Variants in MTMR14 observed in about 807,000 individuals in gnomAD.
MTMR14 encodes the protein phosphatidylinositol-3,5-bisphosphate 3-phosphatase MTMR14.
MTMR14 carries 48 observed loss-of-function variants against 86.3 expected under a neutral mutation model. The observed-to-expected ratio is 0.56, with a 90% CI of 0.44 to 0.71. The LOEUF is 0.71. Ranked by LOEUF, MTMR14 falls within the 30% of genes least tolerant of loss-of-function variation. The pLI, the probability that MTMR14 is intolerant of heterozygous loss-of-function variation, is 0.00. For synonymous variants in MTMR14, 366 were observed against 326.1 expected, an observed-to-expected ratio of 1.12 and a Z score of -1.32; for missense variants, 780 against 834.6, an observed-to-expected ratio of 0.93 and a Z score of 0.81.
chr3:9,662,304 C>G lies in MTMR14; in HGVS notation c.346C>G (p.Leu116Val). Residue 116 changes from leucine to valine, a missense_variant, in exon 3 of 19, where the codon CTC becomes GTC. By Grantham distance (32) the Leu-to-Val change is conservative. Transcript: ENST00000296003. ...CGTACAGGTGAGCAAGTTGCAAGACCTCATCCACCGCAGCAAGATGGCCCG... is the reference window on the plus strand; with the variant it reads ...CGTACAGGTGAGCAAGTTGCAAGACGTCATCCACCGCAGCAAGATGGCCCG... ...STVQVSKLQD[L>V]IHRSKMARCR... The G allele has an allele frequency of 6.2e-7, 1 of 1,613,332 alleles. No homozygotes were observed. The highest frequency in any genetic ancestry group is 8.5e-7 in the Non-Finnish European group (1 of 1,179,894).
rs911680570 is a variant in MTMR14 at position 9,670,023 on chromosome 3, A to G, written c.554+531A>G. Among the ~76,000 whole-genome samples the G allele has an allele frequency of 1.4e-4, 21 of 152,240 alleles. 1 individual carries two copies. The highest frequency in any genetic ancestry group is 3.3e-4 in the Admixed American group (5 of 15,286). On this transcript the variant is annotated intron_variant, in intron 5 of 18. Coordinates refer to ENST00000296003, the MANE Select transcript of MTMR14 (RefSeq NM_001077525.3). ...GTACAGAACAGGAGTTTGAGTCCCTATAAAAGGAGGAAATGGGCTGGTTCA... is the reference window on the plus strand; with the variant it reads ...GTACAGAACAGGAGTTTGAGTCCCTGTAAAAGGAGGAAATGGGCTGGTTCA...
chr3:9,673,669 G>T (rs1441112150), intron 7 of MTMR14, among the ~76,000 whole-genome samples: 1 of 152,078 alleles, frequency 6.6e-6, no homozygotes, highest in East Asian at 1.9e-4. Flanking sequence ...TGTGGGAGGG[G>T]TGTCCTCATC....
intron 10 of MTMR14, among the ~76,000 whole-genome samples, chr3:9,684,194 G>A (rs182043314): frequency 3.0e-4 from 46 of 152,294 alleles, no homozygotes; most frequent in African/African-American, 1.0e-3. Context: ...GGGATAGTCA[G>A]TGTCCTGCAA....
At position 9,681,672 on chromosome 3, in the gene MTMR14, CTTGT is replaced by C. The variant is rs575254786; in HGVS notation, c.898-1483_898-1480del. On this transcript the variant is annotated intron_variant, in intron 9 of 18. Transcript: ENST00000296003. Reference sequence around the variant, plus strand: ...TAGGATGAGAGAGTCAGGCACGAGCCTTGTTTGTTTGTTTGTTTGTTTGTTTTTT... The same window carrying C: ...TAGGATGAGAGAGTCAGGCACGAGCCTTGTTTGTTTGTTTGTTTGTTTTTT... 1.2e-3 allele frequency among the ~76,000 whole-genome samples: 182 copies of C among 152,236 alleles called. 1 individual carries two copies. Among genetic ancestry groups the C allele is most frequent in the Non-Finnish European group, 1.9e-3 (131 of 68,002 alleles).
rs757872183 is a variant in MTMR14, at chr3:9,689,082, GGTA to G, written c.1433+1_1433+3del. The G allele has an allele frequency of 6.2e-7, 1 of 1,610,422 alleles. No individual in the cohort carries two copies. Among genetic ancestry groups the G allele is most frequent in the South Asian group, 1.1e-5 (1 of 91,082 alleles). On this transcript the variant is annotated splice_donor_variant and splice_donor_region_variant and intron_variant, in intron 16 of 18. Coordinates refer to ENST00000296003, the MANE Select transcript of MTMR14 (RefSeq NM_001077525.3). LOFTEE classifies it high-confidence loss of function. ...GCAGGAGCGCCAACTCAGGCAGCTT[GGTA>G]AGGGGCCAGACTTGGACCAAGGTCA... is the stretch of plus-strand genomic sequence containing the variant.
intron 17 of MTMR14, among the ~76,000 whole-genome samples, chr3:9,694,305 G>C (rs188604183): frequency 1.3e-5 from 2 of 150,404 alleles, no homozygotes; most frequent in Admixed American, 6.7e-5. Context: ...TGTTTTTAAA[G>C]GGGGAAAAAT....
intron 6 of MTMR14, among the ~76,000 whole-genome samples, chr3:9,672,319 A>G (rs2048609555): frequency 6.6e-6 from 1 of 152,156 alleles, no homozygotes. Flanking sequence ...GCTCACTGCA[A>G]CCATCTGCCT....
intron 17 of MTMR14, among the ~76,000 whole-genome samples, chr3:9,690,600 AC>A (rs2076108769): frequency 6.6e-6 from 1 of 152,198 alleles, no homozygotes; most frequent in African/African-American, 2.4e-5. Context: ...GTGACTGCAC[AC>A]CTGGAAAGGG....
intron 3 of MTMR14, among the ~76,000 whole-genome samples, chr3:9,666,268 G>T (rs2048253750): frequency 6.6e-6 from 1 of 151,798 alleles, no homozygotes; most frequent in African/African-American, 2.4e-5. Context: ...CAACTAGCTG[G>T]GATTATAGGC....
intron 17 of MTMR14, 135 bp downstream of exon 17, chr3:9,690,278 ATGGGT>A: frequency 1.0e-6 from 1 of 973,238 alleles, no homozygotes. Context: ...TATTTGGAGG[ATGGGT>A]TAGTGTTTGG....
At chr3:9,669,341 T>G in intron 4 of MTMR14, 91 bp from the exon 5 acceptor site, 1 of 1,329,812 alleles carries the variant, frequency 7.5e-7, no homozygotes, top group Non-Finnish European at 1.1e-6. Flanking sequence ...AGCCCACCCT[T>G]GGCACTATGG....
chr3:9,662,312 C>T lies in MTMR14; in HGVS notation c.354C>T (p.His118=), dbSNP rs2047987806. ...VQVSKLQDLI[H]RSKMARCRGR... is the part of the protein sequence containing the mutation. The stretch of plus-strand genomic sequence containing the variant: ...TGAGCAAGTTGCAAGACCTCATCCA[C>T]CGCAGCAAGATGGCCCGGTGCAGAG... The change falls in exon 3 of 19, where the codon CAC becomes CAT. Residue 118 remains histidine (H), a synonymous_variant. Transcript: ENST00000296003. 1 of 1,613,590 alleles carries T rather than the reference C, an allele frequency of 6.2e-7. No homozygotes were observed. Among genetic ancestry groups the T allele is most frequent in the Non-Finnish European group, 8.5e-7 (1 of 1,179,972 alleles).
intron 1 of MTMR14, among the ~76,000 whole-genome samples, chr3:9,652,125 C>T (rs1251992801): frequency 6.6e-6 from 1 of 152,130 alleles, no homozygotes; most frequent in Non-Finnish European, 1.5e-5. Context: ...CCACTGCACC[C>T]AGCCTAATTT....
At chr3:9,690,823 C>A (rs2076117467) in intron 17 of MTMR14, among the ~76,000 whole-genome samples, 2 of 152,142 alleles carry the variant, frequency 1.3e-5, no homozygotes, top group South Asian at 4.1e-4. Context: ...GAATGTCTAG[C>A]CTTTCTGGAG....
intron 3 of MTMR14, among the ~76,000 whole-genome samples, chr3:9,664,204 C>T (rs147399628): frequency 9.3e-5 from 14 of 150,874 alleles, no homozygotes; most frequent in African/African-American, 2.7e-4. Flanking sequence ...GACATGCTTG[C>T]GAAAAGCATT....
chr3:9,666,758 TAC>T (rs1190522266), intron 3 of MTMR14, among the ~76,000 whole-genome samples: 2 of 152,212 alleles, frequency 1.3e-5, no homozygotes, highest in Non-Finnish European at 2.9e-5. Flanking sequence ...TAGAAAATTA[TAC>T]AGAGTGCTTT....
At chr3:9,691,813 C>A (rs1369743264) in intron 17 of MTMR14, among the ~76,000 whole-genome samples, 1 of 152,132 alleles carries the variant, frequency 6.6e-6, no homozygotes, top group Non-Finnish European at 1.5e-5. Flanking sequence ...GACCTCAGAG[C>A]CCTGCACATG....
intron 17 of MTMR14, among the ~76,000 whole-genome samples, chr3:9,697,169 G>A (rs1208936665): frequency 6.6e-6 from 1 of 152,142 alleles, no homozygotes; most frequent in Non-Finnish European, 1.5e-5. Flanking sequence ...CAGAGAAAGG[G>A]GGGACCTCAG....
chr3:9,663,182 C>T (rs186610216), intron 3 of MTMR14, among the ~76,000 whole-genome samples: 2 of 151,870 alleles, frequency 1.3e-5, no homozygotes, highest in East Asian at 3.9e-4. Flanking sequence ...ATACAGAGAG[C>T]CTCAGAGGGG....
Sources: gnomAD v4.1 joint callset for allele counts (sites outside exome capture counted in the v4.1 genomes callset) on GRCh38, gnomAD v4.1.1 for gene constraint, MANE v1.5 for transcripts, NCBI Gene and HGNC (gene_info 2026-07-23, HGNC 2026-07-21) for gene names.